The following CREB5 variants were observed in gnomAD, a reference collection of about 807,000 sequenced individuals.
CREB5 encodes cyclic AMP-responsive element-binding protein 5.
CREB5 carries 19 observed loss-of-function variants against 57.1 expected under a neutral mutation model. The observed-to-expected ratio is 0.33, with a 90% confidence interval of 0.23 to 0.49. The LOEUF is 0.49. CREB5 is among the 20% of genes least tolerant of loss of function. The pLI is 0.99. For synonymous variants in CREB5, 238 were observed against 238.3 expected, an observed-to-expected ratio of 1.00 and a Z score of 0.01; for missense variants, 579 against 671.6, an observed-to-expected ratio of 0.86 and a Z score of 1.52.
At chr7:28,365,762 T>C (rs1489271502) in intron 1 of CREB5, among the ~76,000 whole-genome samples, 1 of 152,206 alleles carries the variant, frequency 6.6e-6, no homozygotes, top group Non-Finnish European at 1.5e-5. Flanking sequence ...CTCAGCAACA[T>C]CCAACGCAGC....
In CREB5 at chr7:28,724,259, G is replaced by C; in HGVS notation, c.629G>C (p.Gly210Ala). 6.2e-7 allele frequency: 1 copy of C among 1,613,564 alleles called. No homozygotes were observed. Among genetic ancestry groups the C allele is most frequent in the Non-Finnish European group, 8.5e-7 (1 of 1,179,776 alleles). ...ATGTCAGTGAACTCCAGCATCATGG[G>C]GATGCAAGGTCCAAATCTCAGCAAC... ...RQMSVNSSIMGMQGPNLSNPC... is the reference protein window; with the variant it reads ...RQMSVNSSIMAMQGPNLSNPC... The change falls in exon 7 of 11, where the codon GGG (glycine) becomes GCG (alanine). Residue 210 changes from glycine (G) to alanine (A), a missense_variant. By Grantham distance (60) the Gly-to-Ala change is moderately conservative. Around this residue, in one of 3 missense-constraint regions of CREB5, gnomAD observed 459 missense variants for 515.7 expected, o/e 0.89. Transcript: ENST00000357727.
intron 5 of CREB5, among the ~76,000 whole-genome samples, chr7:28,704,059 T>A (rs1269750962): frequency 6.6e-6 from 1 of 152,230 alleles, no homozygotes; most frequent in Non-Finnish European, 1.5e-5. Context: ...ATTCTCAAAA[T>A]GTCCAGTTTA....
At chr7:28,581,026 G>A (rs1796103615) in intron 5 of CREB5, among the ~76,000 whole-genome samples, 1 of 152,080 alleles carries the variant, frequency 6.6e-6, no homozygotes, top group Admixed American at 6.5e-5. Context: ...TCATGACACT[G>A]TGTTCCTCTA....
At position 28,492,412 on chromosome 7, in the gene CREB5, C is replaced by A. The variant is rs181841508; in HGVS notation, c.76-2494C>A. Among the ~76,000 whole-genome samples, 649 of 152,268 alleles carry A rather than the reference C, an allele frequency of 4.3e-3. 1 individual carries two copies. Among genetic ancestry groups the A allele is most frequent in the South Asian group, 0.019 (90 of 4,834 alleles). On this transcript the variant is annotated intron_variant, in intron 2 of 10. Transcript: ENST00000357727. Reference sequence around the variant, plus strand: ...CAGTGTTAATTTCACTCTCTCTTTGCCTTCTAAATGAACCACGTTCTGAAT... The same window carrying A: ...CAGTGTTAATTTCACTCTCTCTTTGACTTCTAAATGAACCACGTTCTGAAT...
chr7:28,549,786 A>AG (rs1432580363), intron 4 of CREB5, among the ~76,000 whole-genome samples: 2 of 152,178 alleles, frequency 1.3e-5, no homozygotes, highest in Non-Finnish European at 2.9e-5. Context: ...AGCTTACATA[A>AG]GGGGGAAAAA....
intron 1 of CREB5, among the ~76,000 whole-genome samples, chr7:28,353,564 C>G (rs1429588587): frequency 6.6e-6 from 1 of 152,060 alleles, no homozygotes; most frequent in Non-Finnish European, 1.5e-5. Flanking sequence ...GAGAACGGGT[C>G]CAGGCGCGGT....
rs913681257 is a variant in CREB5, at chr7:28,624,447, G to A, written c.464+53910G>A. Among the ~76,000 whole-genome samples, 14 of 152,192 alleles carry A rather than the reference G, an allele frequency of 9.2e-5. 1 individual carries two copies. The highest frequency in any genetic ancestry group is 2.4e-4 in the African/African-American group (10 of 41,518). ...ATGAATGATTAATAAGTAATAATGC[G>A]TGTGGAAATCCCAAGTTTGTTTGCA... is the stretch of plus-strand genomic sequence containing the variant. On this transcript the variant is annotated intron_variant, in intron 5 of 10. Coordinates refer to ENST00000357727, the MANE Select transcript of CREB5 (RefSeq NM_182898.4).
At chr7:28,562,537 A>T (rs1795317458) in intron 4 of CREB5, among the ~76,000 whole-genome samples, 1 of 152,194 alleles carries the variant, frequency 6.6e-6, no homozygotes, top group African/African-American at 2.4e-5. Flanking sequence ...CTAGAACCTC[A>T]CTTATGGGGG....
chr7:28,679,955 A>G (rs889419537), intron 5 of CREB5, among the ~76,000 whole-genome samples: 3 of 152,318 alleles, frequency 2.0e-5, no homozygotes, highest in Admixed American at 2.0e-4. Flanking sequence ...AGAGCCAGGC[A>G]GGCCCAGAGC....
At chr7:28,760,213 C>T (rs955462344) in intron 7 of CREB5, among the ~76,000 whole-genome samples, 1 of 152,142 alleles carries the variant, frequency 6.6e-6, no homozygotes, top group African/African-American at 2.4e-5. Flanking sequence ...TTTATTAGAA[C>T]ACAACATTAC....
chr7:28,547,132 A>G (rs529836362), intron 4 of CREB5, among the ~76,000 whole-genome samples: 20 of 152,286 alleles, frequency 1.3e-4, no homozygotes, highest in African/African-American at 4.8e-4. Flanking sequence ...TGTTATAGGG[A>G]TGCTTTTTCA....
At chr7:28,548,336 C>T (rs181944077) in intron 4 of CREB5, among the ~76,000 whole-genome samples, 1 of 152,272 alleles carries the variant, frequency 6.6e-6, no homozygotes, top group East Asian at 1.9e-4. Context: ...TGGGTCCCAA[C>T]TTCTGTAAAC....
At chr7:28,604,600 TAAATAATA>T (rs1797040468) in intron 5 of CREB5, among the ~76,000 whole-genome samples, 1 of 151,468 alleles carries the variant, frequency 6.6e-6, no homozygotes, top group Non-Finnish European at 1.5e-5. Context: ...AATTTCTCAG[TAAATAATA>T]AAATAATAAA....
chr7:28,541,329 G>C (rs968118146), intron 4 of CREB5, among the ~76,000 whole-genome samples: 3 of 152,086 alleles, frequency 2.0e-5, no homozygotes, highest in Non-Finnish European at 4.4e-5. Flanking sequence ...GCTTATGGAA[G>C]AAAGAATGCG....
intron 1 of CREB5, among the ~76,000 whole-genome samples, chr7:28,327,985 A>T (rs1785639658): frequency 6.6e-6 from 1 of 152,224 alleles, no homozygotes. Context: ...CAAAATTACT[A>T]GCTGAAAGAT....
At chr7:28,596,092 A>C (rs1796683256) in intron 5 of CREB5, among the ~76,000 whole-genome samples, 1 of 152,176 alleles carries the variant, frequency 6.6e-6, no homozygotes, top group Non-Finnish European at 1.5e-5. Flanking sequence ...CCAAGAGGCC[A>C]CCTTTTTGAC....
chr7:28,299,841 T>C (rs1022269322), intron 1 of CREB5, among the ~76,000 whole-genome samples: 4 of 152,234 alleles, frequency 2.6e-5, no homozygotes, highest in African/African-American at 9.6e-5. Context: ...CAAACTAATA[T>C]ACACATTGGA....
At chr7:28,724,181 G>A (rs755215860) in intron 6 of CREB5, 41 bp from the exon 7 acceptor site, 3 of 1,556,062 alleles carry the variant, frequency 1.9e-6, no homozygotes, top group African/African-American at 2.7e-5. Context: ...GACCTAGACT[G>A]CCTTTGCAGA....
intron 1 of CREB5, among the ~76,000 whole-genome samples, chr7:28,485,235 C>T (rs1791501669): frequency 6.6e-6 from 1 of 152,138 alleles, no homozygotes; most frequent in Admixed American, 6.6e-5. Context: ...CAGTCTTGAT[C>T]ATTTCTGTTG....
Sources: gnomAD v4.1 joint callset for allele counts (sites outside exome capture counted in the v4.1 genomes callset) on GRCh38, gnomAD v4.1.1 for gene constraint, gnomAD v4.1.1 regional missense constraint, MANE v1.5 for transcripts, NCBI Gene and HGNC (gene_info 2026-07-23, HGNC 2026-07-21) for gene names.